FRMD4A: variants seen among roughly 807,000 people sequenced by gnomAD.
FRMD4A encodes FERM domain containing 4A.
FRMD4A carries 29 observed loss-of-function variants against 129.1 expected under a neutral mutation model. The observed-to-expected ratio is 0.22, with a 90% CI of 0.17 to 0.31. The LOEUF (loss-of-function observed/expected upper bound fraction) is 0.31. Among genes scored for constraint, FRMD4A ranks in the 10% least tolerant of loss-of-function variants. The probability of loss-of-function intolerance (pLI) is 1.00; values close to 1 mark genes in which losing one functional copy is unlikely to be tolerated. For synonymous variants in FRMD4A, 634 were observed against 571.6 expected (o/e 1.11, Z -1.56); for missense variants, 1,272 against 1,375.8 (o/e 0.92, Z 1.19).
At chr10:13,946,687 T>C (rs967674754) in intron 2 of FRMD4A, among the ~76,000 whole-genome samples, 6 of 152,168 alleles carry the variant, frequency 3.9e-5, no homozygotes, top group African/African-American at 1.2e-4. Flanking sequence ...CCTTGCCAAG[T>C]GATTGGTCCA....
chr10:13,748,213 A>G (rs1033657374), intron 8 of FRMD4A, among the ~76,000 whole-genome samples: 7 of 152,312 alleles, frequency 4.6e-5, no homozygotes, highest in Non-Finnish European at 1.0e-4. Context: ...CCCCGCCGTT[A>G]GGCTCACAGA....
chr10:14,224,872 A>C (rs956040717), intron 2 of FRMD4A, among the ~76,000 whole-genome samples: 2 of 152,230 alleles, frequency 1.3e-5, no homozygotes, highest in East Asian at 3.8e-4. Context: ...GATGTAGAGC[A>C]GGTCCAGAGG....
intron 3 of FRMD4A, among the ~76,000 whole-genome samples, chr10:13,856,607 C>T (rs368560169): frequency 1.4e-3 from 220 of 152,152 alleles, no homozygotes; most frequent in African/African-American, 4.9e-3. Context: ...CTAAGAGAGA[C>T]CAGCCAGGTC....
At chr10:13,739,849 C>T (rs1272861147) in intron 11 of FRMD4A, among the ~76,000 whole-genome samples, 2 of 152,198 alleles carry the variant, frequency 1.3e-5, no homozygotes, top group Non-Finnish European at 2.9e-5. Context: ...CCTATAATCC[C>T]AGCACTTTGG....
chr10:14,048,070 G>T (rs1024967540), intron 2 of FRMD4A, among the ~76,000 whole-genome samples: 4 of 152,206 alleles, frequency 2.6e-5, no homozygotes, highest in Non-Finnish European at 4.4e-5. Flanking sequence ...CCAAGACAAG[G>T]TGGGAGGCGG....
At chr10:13,683,481 C>CT (rs893146457) in intron 15 of FRMD4A, among the ~76,000 whole-genome samples, 2 of 151,812 alleles carry the variant, frequency 1.3e-5, no homozygotes, top group African/African-American at 4.8e-5. Flanking sequence ...CCTGTAGTCC[C>CT]AGCTGCCCAA....
At chr10:13,843,784 C>A (rs962459587) in intron 3 of FRMD4A, among the ~76,000 whole-genome samples, 2 of 152,192 alleles carry the variant, frequency 1.3e-5, no homozygotes, top group Non-Finnish European at 2.9e-5. Flanking sequence ...CAGGCGTGAG[C>A]CACTGCACCC....
At chr10:14,325,975 T>C (rs1209286869) in intron 2 of FRMD4A, among the ~76,000 whole-genome samples, 1 of 152,244 alleles carries the variant, frequency 6.6e-6, no homozygotes, top group African/African-American at 2.4e-5. Flanking sequence ...TCATTCATTG[T>C]GGTTAATCAC....
chr10:13,654,519 G>A lies in FRMD4A; in HGVS notation c.2954-7C>T, dbSNP rs762412813. On this transcript the variant is annotated splice_region_variant and splice_polypyrimidine_tract_variant and intron_variant, in intron 22 of 24. Coordinates refer to ENST00000357447, the MANE Select transcript of FRMD4A (RefSeq NM_018027.5). ...TGGCTTTGAGGTAAGGCAGCTACAT[G>A]CAGGTGGTGCAAGAAAGGCAGAGAG... The A allele has an allele frequency of 6.3e-7, 1 of 1,589,140 alleles. No homozygotes were observed. Among genetic ancestry groups the A allele is most frequent in the African/African-American group, 1.3e-5 (1 of 74,588 alleles).
intron 4 of FRMD4A, among the ~76,000 whole-genome samples, chr10:13,797,302 C>G (rs182009682): frequency 5.3e-5 from 8 of 152,336 alleles, no homozygotes; most frequent in African/African-American, 1.9e-4. Flanking sequence ...CGACATCTTG[C>G]TGGAGTGAAA....
At chr10:14,114,315 T>A (rs574831420) in intron 2 of FRMD4A, among the ~76,000 whole-genome samples, 2 of 152,284 alleles carry the variant, frequency 1.3e-5, no homozygotes, top group African/African-American at 4.8e-5. Flanking sequence ...AGGAGCCTCA[T>A]TTGAGCCAGC....
chr10:13,888,869 T>G (rs1018331201), intron 2 of FRMD4A, among the ~76,000 whole-genome samples: 1 of 152,248 alleles, frequency 6.6e-6, no homozygotes, highest in Non-Finnish European at 1.5e-5. Flanking sequence ...GAACTAGGAA[T>G]TCTTCAAAAG....
At chr10:14,229,625 G>C (rs1843568200) in intron 2 of FRMD4A, among the ~76,000 whole-genome samples, 2 of 152,116 alleles carry the variant, frequency 1.3e-5, no homozygotes, top group South Asian at 2.1e-4. Context: ...AAGATGTAGA[G>C]ACAGAGTCTC....
intron 2 of FRMD4A, among the ~76,000 whole-genome samples, chr10:14,031,168 G>A (rs531456584): frequency 1.3e-5 from 2 of 152,322 alleles, no homozygotes; most frequent in East Asian, 3.9e-4. Flanking sequence ...GATCGCCTGG[G>A]CTTCACCACG....
intron 2 of FRMD4A, among the ~76,000 whole-genome samples, chr10:14,295,654 G>A (rs370181805): frequency 9.9e-5 from 15 of 152,268 alleles, no homozygotes; most frequent in Middle Eastern, 3.4e-3. Context: ...AGGGGATGGC[G>A]CTTACAAAAT....
chr10:14,048,829 A>ATAGAATAGAT (rs1834107244), intron 2 of FRMD4A, among the ~76,000 whole-genome samples: 1 of 4,194 alleles, frequency 2.4e-4, no homozygotes, highest in Non-Finnish European at 5.6e-4. Flanking sequence ...ATAGATTAGA[A>ATAGAATAGAT]TAGAATAGAA....
intron 2 of FRMD4A, among the ~76,000 whole-genome samples, chr10:13,924,933 G>A (rs916902616): frequency 5.9e-5 from 9 of 151,906 alleles, no homozygotes; most frequent in African/African-American, 1.4e-4. Flanking sequence ...GCGTGGTGGC[G>A]GGCGCCTGTA....
rs1007986777 is a variant in FRMD4A, at chr10:13,703,877, C to T, written c.837-2399G>A. 8.5e-5 allele frequency among the ~76,000 whole-genome samples: 13 copies of T among 152,272 alleles called. No individual in the cohort carries two copies. The East Asian group carries it at 9.6e-4, about 11-fold the overall frequency. On this transcript the variant is annotated intron_variant, in intron 13 of 24. Coordinates refer to ENST00000357447, the MANE Select transcript of FRMD4A (RefSeq NM_018027.5). ...AAAATTAGCTGGGTGTAGTGGCGCA[C>T]GCCTGTAGTCCCAGCTACTTGGGAG...
intron 3 of FRMD4A, among the ~76,000 whole-genome samples, chr10:13,842,222 C>A (rs149043412): frequency 6.6e-6 from 1 of 152,204 alleles, no homozygotes; most frequent in Non-Finnish European, 1.5e-5. Flanking sequence ...GATTCTGTGA[C>A]CCATTTCTAT....
Sources: gnomAD v4.1 joint callset for allele counts (sites outside exome capture counted in the v4.1 genomes callset) on GRCh38, gnomAD v4.1.1 for gene constraint, MANE v1.5 for transcripts, NCBI Gene and HGNC (gene_info 2026-07-23, HGNC 2026-07-21) for gene names.